The following SIPA1L2 variants were observed in gnomAD, a reference collection of about 807,000 sequenced individuals.
SIPA1L2 encodes the protein signal-induced proliferation-associated 1-like protein 2.
Under a neutral mutation model 163.9 loss-of-function variants are expected in SIPA1L2, and 56 were observed. The ratio of observed to expected loss-of-function variants is 0.34; its 90% CI spans 0.28 to 0.43. SIPA1L2 has a LOEUF of 0.43. Ranked by LOEUF, SIPA1L2 falls within the 20% of genes least tolerant of loss-of-function variation. The pLI is 1.00. For missense variants in SIPA1L2, 1,974 were observed against 2,193.5 expected (o/e 0.90, Z 2.00); for synonymous variants, 877 against 865.7 (o/e 1.01, Z -0.23).
At chr1:232,482,479 G>A (rs7543427) in intron 6 of SIPA1L2, among the ~76,000 whole-genome samples, 38,207 of 151,600 alleles carry the variant, frequency 0.25, 4,958 homozygotes, top group Admixed American at 0.35. Flanking sequence ...GGTCTCATTC[G>A]TCTTTCTTAA....
intron 1 of SIPA1L2, among the ~76,000 whole-genome samples, chr1:232,604,358 C>A (rs900454432): frequency 2.6e-5 from 4 of 152,226 alleles, no homozygotes; most frequent in Non-Finnish European, 4.4e-5. Context: ...TCTCACTCTG[C>A]TCCAGTGTAG....
intron 1 of SIPA1L2, among the ~76,000 whole-genome samples, chr1:232,605,091 C>T (rs1661824327): frequency 6.6e-6 from 1 of 152,192 alleles, no homozygotes; most frequent in Non-Finnish European, 1.5e-5. Flanking sequence ...TGGCTCACTG[C>T]AGTCTTGACC....
At chr1:232,597,923 T>C (rs143135668) in intron 1 of SIPA1L2, among the ~76,000 whole-genome samples, 1,924 of 152,222 alleles carry the variant, frequency 0.013, 21 homozygotes, top group Middle Eastern at 0.048. Flanking sequence ...CACCTCACTT[T>C]TAAAACCTGT....
chr1:232,451,383 C>A (rs550215916), intron 10 of SIPA1L2, among the ~76,000 whole-genome samples: 3 of 152,216 alleles, frequency 2.0e-5, no homozygotes, highest in Admixed American at 6.5e-5. Flanking sequence ...CAGAGGACAC[C>A]AGGCAAGACA....
chr1:232,487,954 A>ACG (rs371719881), intron 5 of SIPA1L2, among the ~76,000 whole-genome samples: 1 of 143,376 alleles, frequency 7.0e-6, no homozygotes, highest in Non-Finnish European at 1.5e-5. Context: ...ACACACACAC[A>ACG]CGCACACATA....
intron 2 of SIPA1L2, among the ~76,000 whole-genome samples, chr1:232,537,389 T>C (rs1257917679): frequency 6.6e-6 from 1 of 151,986 alleles, no homozygotes; most frequent in Non-Finnish European, 1.5e-5. Context: ...ACTAAACCAA[T>C]AGTATAACAG....
chr1:232,603,867 G>C (rs114086617), intron 1 of SIPA1L2, among the ~76,000 whole-genome samples: 1,614 of 152,158 alleles, frequency 0.011, 24 homozygotes, highest in African/African-American at 0.037. Flanking sequence ...TATCAGAAAA[G>C]TTCAAGTTAC....
At chr1:232,448,208 G>T (rs544545110) in intron 10 of SIPA1L2, among the ~76,000 whole-genome samples, 94 of 152,268 alleles carry the variant, frequency 6.2e-4, no homozygotes, top group Middle Eastern at 6.8e-3. Context: ...ACAGTGCAAG[G>T]CGTACTCTTA....
At chr1:232,599,197 A>C (rs1466436854) in intron 1 of SIPA1L2, among the ~76,000 whole-genome samples, 1 of 152,218 alleles carries the variant, frequency 6.6e-6, no homozygotes, top group Non-Finnish European at 1.5e-5. Context: ...GATTCAGATT[A>C]CATATTTAAA....
intron 6 of SIPA1L2, among the ~76,000 whole-genome samples, chr1:232,481,444 C>T (rs1487436169): frequency 6.6e-6 from 1 of 150,888 alleles, no homozygotes; most frequent in African/African-American, 2.4e-5. Flanking sequence ...TAGGAAATTG[C>T]AAGGAAGAAA....
intron 2 of SIPA1L2, among the ~76,000 whole-genome samples, chr1:232,519,324 T>C (rs1667353030): frequency 6.6e-6 from 1 of 152,212 alleles, no homozygotes; most frequent in African/African-American, 2.4e-5. Flanking sequence ...GCCACCAGTC[T>C]CTGTCCTCTT....
At chr1:232,454,690 G>A (rs10910514) in intron 10 of SIPA1L2, among the ~76,000 whole-genome samples, 40,203 of 151,984 alleles carry the variant, frequency 0.26, 5,539 homozygotes, top group Admixed American at 0.35. Context: ...ATGCTTTACC[G>A]CCATCCTCTG....
At chr1:232,482,427 CAGAA>C (rs1665407479) in intron 6 of SIPA1L2, among the ~76,000 whole-genome samples, 2 of 147,022 alleles carry the variant, frequency 1.4e-5, no homozygotes, top group African/African-American at 5.1e-5. Context: ...TGGTTGTTTG[CAGAA>C]AAGAGGAGTT....
intron 18 of SIPA1L2, among the ~76,000 whole-genome samples, chr1:232,422,900 G>C (rs553400144): frequency 6.6e-6 from 1 of 152,324 alleles, no homozygotes; most frequent in South Asian, 2.1e-4. Context: ...AGGGTCTACA[G>C]AATGGCCAGA....
chr1:232,512,370 G>A (rs928072461), intron 3 of SIPA1L2, among the ~76,000 whole-genome samples: 2 of 152,064 alleles, frequency 1.3e-5, no homozygotes, highest in African/African-American at 2.4e-5. Context: ...TCATTACTGG[G>A]TATATACCCA....
Position 232,443,697 on chromosome 1 carries a change from A to G in SIPA1L2, c.3354-12T>C, listed in dbSNP as rs1390092730. On this transcript the variant is annotated splice_polypyrimidine_tract_variant and intron_variant, in intron 11 of 22. Coordinates refer to ENST00000674635, the MANE Select transcript of SIPA1L2 (RefSeq NM_020808.5). ...TGCTGGGTGAGCTTCTGAAAGGTTG[A>G]GTAGAATCATTAACAGGGCACTGAA... is the stretch of plus-strand genomic sequence containing the variant. 1.9e-6 allele frequency: 3 copies of G among 1,605,080 alleles called. No homozygotes were observed. The East Asian group carries it at 6.8e-5, about 36-fold the overall frequency.
Position 232,530,814 on chromosome 1 carries a change from T to TA in SIPA1L2, c.-269-15207dup, listed in dbSNP as rs60199193. ...CAACATAATTCTAATAGAGGAAAAC[T>TA]AAAAAGTTAAATACATGACTCTAAA... On this transcript the variant is annotated intron_variant, in intron 2 of 22. Transcript: ENST00000674635. 5.1e-3 allele frequency among the ~76,000 whole-genome samples: 192 copies of TA among 37,610 alleles called. 2 individuals are homozygous for TA. Among genetic ancestry groups the TA allele is most frequent in the African/African-American group, 0.01 (182 of 17,852 alleles). 24.7% of individuals were successfully genotyped at this position (37,610 alleles called of 152,430 possible). A position where few individuals can be genotyped will look rare whatever the true frequency, so the allele number is the denominator to read the frequency against.
intron 2 of SIPA1L2, among the ~76,000 whole-genome samples, chr1:232,568,351 C>A (rs1415404096): frequency 6.6e-6 from 1 of 152,138 alleles, no homozygotes; most frequent in South Asian, 2.1e-4. Flanking sequence ...TAGAAGACAG[C>A]CAGCTAGTGT....
intron 5 of SIPA1L2, among the ~76,000 whole-genome samples, chr1:232,485,476 C>T (rs896494985): frequency 2.0e-5 from 3 of 152,154 alleles, no homozygotes; most frequent in African/African-American, 7.2e-5. Context: ...CTGATCAACT[C>T]AATTATCTAA....
Sources: allele counts gnomAD v4.1 joint callset (sites outside exome capture counted in the v4.1 genomes callset), GRCh38; gene constraint gnomAD v4.1.1; transcripts MANE v1.5; gene names NCBI Gene and HGNC (gene_info 2026-07-23, HGNC 2026-07-21).